The following ENOX2 variants were observed in gnomAD, a reference collection of about 807,000 sequenced individuals.
ENOX2 encodes the protein ecto-NOX disulfide-thiol exchanger 2, also known as APK1 antigen.
Under a neutral mutation model 45.0 loss-of-function variants are expected in ENOX2, and 36 were observed. The observed-to-expected ratio is 0.80, with a 90% CI of 0.61 to 1.06. ENOX2 has a LOEUF of 1.06. Ranked by LOEUF, ENOX2 falls within the 50% of genes least tolerant of loss-of-function variation. The pLI is 0.00. For missense variants in ENOX2, 423 were observed against 462.5 expected, an observed-to-expected ratio of 0.91 and a Z score of 0.78; for synonymous variants, 174 against 152.3, an observed-to-expected ratio of 1.14 and a Z score of -1.05.
chrX:130,902,768 G>T (rs1286756657), intron 1 of ENOX2, among the ~76,000 whole-genome samples: 1 of 104,710 alleles, frequency 9.6e-6, no homozygotes, highest in African/African-American at 3.5e-5. Flanking sequence ...GCCAGGGGGA[G>T]GGGGGCGGCG....
intron 10 of ENOX2, among the ~76,000 whole-genome samples, chrX:130,654,821 G>C (rs951198423): frequency 8.9e-6 from 1 of 112,184 alleles, no homozygotes; most frequent in African/African-American, 3.2e-5. Context: ...AAACGAATAA[G>C]ATTCTGTGCA....
At chrX:130,863,610 T>C (rs2078444378) in intron 2 of ENOX2, among the ~76,000 whole-genome samples, 1 of 112,191 alleles carries the variant, frequency 8.9e-6, no homozygotes, top group Non-Finnish European at 1.9e-5. Flanking sequence ...CCTCATGAAA[T>C]TAATTTAGTT....
intron 2 of ENOX2, among the ~76,000 whole-genome samples, chrX:130,818,063 G>A (rs983467018): frequency 8.0e-5 from 9 of 112,108 alleles, no homozygotes; most frequent in Non-Finnish European, 1.3e-4. Context: ...AGCAACTTCC[G>A]CAAGGTCTCA....
chrX:130,868,964 G>C (rs2078530799), intron 2 of ENOX2, among the ~76,000 whole-genome samples: 1 of 111,695 alleles, frequency 9.0e-6, no homozygotes, highest in Non-Finnish European at 1.9e-5. Flanking sequence ...ATCAATATGT[G>C]ATATAATACA....
chrX:130,800,915 T>C (rs1274669765), intron 2 of ENOX2, among the ~76,000 whole-genome samples: 1 of 112,453 alleles, frequency 8.9e-6, no homozygotes, highest in African/African-American at 3.2e-5. Context: ...GAGCAATGTA[T>C]AGTATATACC....
chrX:130,897,903 G>A (rs145956688), intron 2 of ENOX2, among the ~76,000 whole-genome samples: 122 of 112,514 alleles, frequency 1.1e-3, no homozygotes, highest in African/African-American at 3.5e-3. Context: ...AGGGAAGCAG[G>A]CTGGAAGCAG....
chrX:130,816,050 T>C (rs901995229), intron 2 of ENOX2, among the ~76,000 whole-genome samples: 2 of 111,388 alleles, frequency 1.8e-5, no homozygotes, highest in African/African-American at 6.5e-5. Context: ...GATGGAGGAA[T>C]ATTTACCAAG....
At position 130,890,844 on chromosome X, in the gene ENOX2, C is replaced by A. The variant is rs758045773; in HGVS notation, c.-183+10840G>T. Among the ~76,000 whole-genome samples, 129 of 113,078 alleles carry A rather than the reference C, an allele frequency of 1.1e-3. 1 individual carries two copies. Among genetic ancestry groups the A allele is most frequent in the African/African-American group, 4.0e-3 (126 of 31,207 alleles). On this transcript the variant is annotated intron_variant, in intron 2 of 14. Coordinates refer to ENST00000394363, the MANE Select transcript of ENOX2 (RefSeq NM_006375.4). ...TTTGATCTTGGTCAAGTCACTTCTA[C>A]TCTCTTAGCCTCAGCTTGCTTGCCA... is the stretch of plus-strand genomic sequence containing the variant.
intron 3 of ENOX2, among the ~76,000 whole-genome samples, chrX:130,771,737 T>C (rs1191429898): frequency 1.8e-5 from 2 of 111,893 alleles, no homozygotes; most frequent in African/African-American, 6.5e-5. Context: ...ATCAAATCAC[T>C]TCCTTCTTCA....
chrX:130,810,398 C>T (rs2077371717), intron 2 of ENOX2, among the ~76,000 whole-genome samples: 1 of 111,524 alleles, frequency 9.0e-6, no homozygotes, highest in Non-Finnish European at 1.9e-5. Context: ...ACCAGGCTGG[C>T]CATGATGGCC....
intron 10 of ENOX2, among the ~76,000 whole-genome samples, chrX:130,649,868 T>C (rs1245116357): frequency 8.9e-6 from 1 of 111,735 alleles, no homozygotes; most frequent in East Asian, 2.8e-4. Context: ...CAAAACTCTA[T>C]AGAAAAAGGC....
intron 2 of ENOX2, among the ~76,000 whole-genome samples, chrX:130,814,185 C>A (rs1192858713): frequency 8.9e-6 from 1 of 112,316 alleles, no homozygotes; most frequent in Non-Finnish European, 1.9e-5. Context: ...AGCCAGGCTG[C>A]CTCTCTAGCT....
Position 130,772,145 on chromosome X carries a change from C to T in ENOX2, c.-39+11402G>A, listed in dbSNP as rs5975228. 6.8e-3 allele frequency among the ~76,000 whole-genome samples: 768 copies of T among 112,188 alleles called. 9 individuals are homozygous for T. Among genetic ancestry groups the T allele is most frequent in the African/African-American group, 0.023 (723 of 30,910 alleles). On this transcript the variant is annotated intron_variant, in intron 3 of 14. Transcript: ENST00000394363. The stretch of plus-strand genomic sequence containing the variant: ...AGGGCAAAAAGTGAAAGGCATCTCC[C>T]GCTTTGTAGGCAATGCCACTGAGAG...
intron 4 of ENOX2, among the ~76,000 whole-genome samples, chrX:130,691,675 T>C (rs1483306193): frequency 5.3e-5 from 6 of 112,741 alleles, no homozygotes; most frequent in Non-Finnish European, 1.1e-4. Flanking sequence ...AACAATCCCA[T>C]CTATTTTTCC....
chrX:130,627,580 CA>C (rs1233827149), intron 14 of ENOX2, among the ~76,000 whole-genome samples: 2 of 104,803 alleles, frequency 1.9e-5, no homozygotes, highest in Middle Eastern at 4.8e-3. Flanking sequence ...GACCCTGTCT[CA>C]AAAAAAAAAG....
chrX:130,844,111 G>A (rs895854079), intron 2 of ENOX2, among the ~76,000 whole-genome samples: 11 of 112,441 alleles, frequency 9.8e-5, no homozygotes, highest in East Asian at 5.5e-4. Flanking sequence ...GTGGACTCCA[G>A]AGAGGTCAGC....
At chrX:130,726,006 T>C (rs954883100) in intron 3 of ENOX2, among the ~76,000 whole-genome samples, 5 of 112,249 alleles carry the variant, frequency 4.5e-5, no homozygotes, top group Admixed American at 9.4e-5. Flanking sequence ...TTTGACAAAG[T>C]AGGAATTCAC....
chrX:130,689,073 T>A, intron 4 of ENOX2, 55 bp from the exon 5 acceptor site: 1 of 1,054,214 alleles, frequency 9.5e-7, no homozygotes, highest in Non-Finnish European at 1.3e-6. Context: ...TAAGTGGAGA[T>A]AGAATGTTAC....
intron 2 of ENOX2, among the ~76,000 whole-genome samples, chrX:130,847,008 G>A (rs1028910016): frequency 1.8e-5 from 2 of 112,159 alleles, no homozygotes; most frequent in African/African-American, 6.5e-5. Flanking sequence ...AAATTCAGGA[G>A]GCTGTAATAA....
Sources: allele counts gnomAD v4.1 joint callset (sites outside exome capture counted in the v4.1 genomes callset), GRCh38; gene constraint gnomAD v4.1.1; transcripts MANE v1.5; gene names NCBI Gene and HGNC (gene_info 2026-07-23, HGNC 2026-07-21).